AUTS2: variants seen among roughly 807,000 people sequenced by gnomAD.
AUTS2 encodes activator of transcription and developmental regulator AUTS2.
Under a neutral mutation model 112.4 loss-of-function variants are expected in AUTS2, and 17 were observed. The ratio of observed to expected loss-of-function variants is 0.15; its 90% CI spans 0.10 to 0.23. The LOEUF is 0.23. Among genes scored for constraint, AUTS2 ranks in the 10% least tolerant of loss-of-function variants. The probability of loss-of-function intolerance (pLI) is 1.00; values close to 1 mark genes in which losing one functional copy is unlikely to be tolerated. For synonymous variants in AUTS2, 751 were observed against 702.7 expected, an observed-to-expected ratio of 1.07 and a Z score of -1.09; for missense variants, 1,510 against 1,701.6, an observed-to-expected ratio of 0.89 and a Z score of 1.98.
chr7:69,803,320 TGTG>T (rs1228185383), intron 1 of AUTS2, among the ~76,000 whole-genome samples: 4 of 152,308 alleles, frequency 2.6e-5, no homozygotes, highest in South Asian at 2.1e-4. Flanking sequence ...ACTTGTCACA[TGTG>T]GTCACTTTCT....
intron 1 of AUTS2, among the ~76,000 whole-genome samples, chr7:69,727,410 T>G (rs1584143173): frequency 6.6e-6 from 1 of 151,752 alleles, no homozygotes. Context: ...GCCAATATGG[T>G]GAAACCCCGT....
At chr7:69,995,283 T>C (rs1296837090) in intron 2 of AUTS2, among the ~76,000 whole-genome samples, 1 of 152,196 alleles carries the variant, frequency 6.6e-6, no homozygotes, top group African/African-American at 2.4e-5. Flanking sequence ...TAACTTTATA[T>C]AAAAGCAACT....
intron 1 of AUTS2, among the ~76,000 whole-genome samples, chr7:69,863,383 G>A (rs190600046): frequency 7.2e-5 from 11 of 152,246 alleles, no homozygotes; most frequent in Admixed American, 3.9e-4. Context: ...ATTTTACAAA[G>A]GGACTTGAGC....
intron 2 of AUTS2, among the ~76,000 whole-genome samples, chr7:69,966,750 C>A (rs1797649608): frequency 6.6e-6 from 1 of 152,142 alleles, no homozygotes; most frequent in East Asian, 1.9e-4. Flanking sequence ...CTTGATTTCA[C>A]CCCTTTCTCT....
At chr7:70,207,247 T>G (rs1352882693) in intron 4 of AUTS2, among the ~76,000 whole-genome samples, 3 of 152,192 alleles carry the variant, frequency 2.0e-5, no homozygotes, top group Non-Finnish European at 4.4e-5. Flanking sequence ...TCTCTATGCT[T>G]ACATTGGGTG....
chr7:70,357,211 T>C (rs1011909739), intron 4 of AUTS2, among the ~76,000 whole-genome samples: 9 of 152,174 alleles, frequency 5.9e-5, no homozygotes, highest in African/African-American at 2.2e-4. Flanking sequence ...AGGGGAAGAA[T>C]GCTTCACACT....
chr7:69,664,960 G>A (rs1206526157), intron 1 of AUTS2, among the ~76,000 whole-genome samples: 1 of 152,156 alleles, frequency 6.6e-6, no homozygotes, highest in Admixed American at 6.5e-5. Flanking sequence ...GAATCAAAGG[G>A]AAGAAAGAGA....
intron 4 of AUTS2, among the ~76,000 whole-genome samples, chr7:70,180,535 A>G (rs2129580628): frequency 6.6e-6 from 1 of 152,286 alleles, no homozygotes; most frequent in African/African-American, 2.4e-5. Flanking sequence ...AATTACAGTC[A>G]TGGTCTACCT....
intron 1 of AUTS2, among the ~76,000 whole-genome samples, chr7:69,852,751 C>T (rs1410659424): frequency 6.6e-6 from 1 of 152,174 alleles, no homozygotes; most frequent in East Asian, 1.9e-4. Flanking sequence ...CCGTGCCCGG[C>T]CCCTGCTTTT....
intron 5 of AUTS2, among the ~76,000 whole-genome samples, chr7:70,630,674 A>G (rs543204061): frequency 6.6e-6 from 1 of 152,342 alleles, no homozygotes; most frequent in African/African-American, 2.4e-5. Context: ...AGGGTGGGGA[A>G]TCATTGTTCT....
intron 1 of AUTS2, among the ~76,000 whole-genome samples, chr7:69,664,098 G>A (rs898429450): frequency 2.6e-5 from 4 of 152,190 alleles, no homozygotes; most frequent in Non-Finnish European, 5.9e-5. Flanking sequence ...CTGTGTGCCT[G>A]TCTTTCCTTT....
At chr7:70,410,297 T>G (rs1794716379) in intron 4 of AUTS2, among the ~76,000 whole-genome samples, 2 of 152,196 alleles carry the variant, frequency 1.3e-5, no homozygotes, top group African/African-American at 4.8e-5. Flanking sequence ...CCATGTAGAA[T>G]GCAGTCATTA....
At chr7:69,828,917 G>T (rs1406318830) in intron 1 of AUTS2, among the ~76,000 whole-genome samples, 1 of 152,086 alleles carries the variant, frequency 6.6e-6, no homozygotes, top group Non-Finnish European at 1.5e-5. Flanking sequence ...TGATGAACTT[G>T]TATTTCTTCT....
At chr7:70,753,892 C>A (rs1043229240) in intron 6 of AUTS2, among the ~76,000 whole-genome samples, 2 of 152,002 alleles carry the variant, frequency 1.3e-5, no homozygotes, top group South Asian at 2.1e-4. Flanking sequence ...CGTGGTGGCT[C>A]ACGCCTGTAA....
chr7:69,954,897 T>G (rs1278502724), intron 2 of AUTS2, among the ~76,000 whole-genome samples: 1 of 152,190 alleles, frequency 6.6e-6, no homozygotes, highest in East Asian at 1.9e-4. Flanking sequence ...TAATCTAGCC[T>G]TTGGAGAAGC....
In AUTS2 at chr7:70,792,252, AGTCTT is replaced by A. The variant is rs1792015820; in HGVS notation, c.*1259_*1263del. 6.6e-6 allele frequency: 1 copy of A among 152,506 alleles called. No individual in the cohort carries two copies. Among genetic ancestry groups the A allele is most frequent in the African/African-American group, 2.4e-5 (1 of 41,424 alleles). 9.4% of individuals were successfully genotyped at this position (152,506 alleles called of 1,614,324 possible). A position where few individuals can be genotyped will look rare whatever the true frequency, so the allele number is the denominator to read the frequency against. ...GAGGGTGAAAGATGGCAGAAAAAAA[AGTCTT>A]GTGTGTGAGTGTGTTTTTTGAGTTT... On this transcript the variant is annotated 3_prime_UTR_variant, in exon 19 of 19. Coordinates refer to ENST00000342771, the MANE Select transcript of AUTS2 (RefSeq NM_015570.4).
intron 4 of AUTS2, among the ~76,000 whole-genome samples, chr7:70,339,154 C>T (rs1406210897): frequency 4.6e-5 from 7 of 152,150 alleles, no homozygotes; most frequent in African/African-American, 7.2e-5. Flanking sequence ...TGAGCCACCG[C>T]GCCCGGCCTG....
chr7:69,691,668 C>T (rs537366874), intron 1 of AUTS2, among the ~76,000 whole-genome samples: 206 of 151,792 alleles, frequency 1.4e-3, no homozygotes, highest in Non-Finnish European at 2.4e-3. Flanking sequence ...ACAGGGATGC[C>T]TGGGTCCAGA....
chr7:69,648,274 T>C (rs998054424), intron 1 of AUTS2, among the ~76,000 whole-genome samples: 1 of 152,136 alleles, frequency 6.6e-6, no homozygotes, highest in African/African-American at 2.4e-5. Flanking sequence ...ATGAGTGATA[T>C]ACAGAAGAAA....
Sources: allele counts gnomAD v4.1 joint callset (sites outside exome capture counted in the v4.1 genomes callset), GRCh38; gene constraint gnomAD v4.1.1; transcripts MANE v1.5; gene names NCBI Gene and HGNC (gene_info 2026-07-23, HGNC 2026-07-21).